The following ACKR3 variants were observed in gnomAD, a reference collection of about 807,000 sequenced individuals.
The protein encoded by ACKR3 is C-X-C chemokine receptor type 7.
A neutral mutation model predicts 22.4 loss-of-function variants in ACKR3; 6 were observed. That is an observed-to-expected ratio of 0.27 (90% CI 0.15 to 0.53). The LOEUF is 0.53. Among genes scored for constraint, ACKR3 ranks in the 20% least tolerant of loss-of-function variants. The pLI is 0.96. For synonymous variants in ACKR3, 209 were observed against 205.2 expected (o/e 1.02, Z -0.16); for missense variants, 396 against 475.2 (o/e 0.83, Z 1.55).
intron 1 of ACKR3, among the ~76,000 whole-genome samples, chr2:236,579,861 G>T (rs949473654): frequency 1.1e-4 from 17 of 152,214 alleles, no homozygotes. Flanking sequence ...GGCCGCCTGA[G>T]ACCCAGGTTT....
chr2:236,539,983 A>C, the ACKR3 span, among the ~76,000 whole-genome samples: 325 of 152,350 alleles, frequency 2.1e-3, 1 homozygote, highest in Non-Finnish European at 3.9e-3. Flanking sequence ...TGATTCAACT[A>C]TCTCCACCTT....
At chr2:236,556,050 G>A in the ACKR3 span, among the ~76,000 whole-genome samples, 1 of 152,146 alleles carries the variant, frequency 6.6e-6, no homozygotes, top group Non-Finnish European at 1.5e-5. Flanking sequence ...AGCCACAGAG[G>A]CTCAGAGTGG....
chr2:236,553,082 C>A, the ACKR3 span, among the ~76,000 whole-genome samples: 19 of 152,340 alleles, frequency 1.2e-4, no homozygotes, highest in African/African-American at 4.6e-4. Flanking sequence ...TTTGTCCGTT[C>A]CAGGCCGCAC....
chr2:236,558,874 C>T, the ACKR3 span, among the ~76,000 whole-genome samples: 2 of 152,136 alleles, frequency 1.3e-5, no homozygotes, highest in African/African-American at 4.8e-5. Flanking sequence ...AAATTTAAAT[C>T]TTAAAACCAT....
upstream of ACKR3, chr2:236,569,795 T>C (rs1173382617): frequency 2.6e-5 from 4 of 152,172 alleles, no homozygotes; most frequent in African/African-American, 7.2e-5. Flanking sequence ...CTGCAGTGTA[T>C]ATAATGCAAG....
At chr2:236,559,215 G>T in the ACKR3 span, among the ~76,000 whole-genome samples, 1 of 152,290 alleles carries the variant, frequency 6.6e-6, no homozygotes, top group Admixed American at 6.5e-5. Context: ...AGAAAGTAAT[G>T]CTTCACTCAG....
In ACKR3 at chr2:236,581,316, C is replaced by T. The variant is rs766725702; in HGVS notation, c.851C>T (p.Pro284Leu). 1.2e-6 allele frequency: 2 copies of T among 1,613,974 alleles called. No individual in the cohort carries two copies. The highest frequency in any genetic ancestry group is 1.7e-6 in the Non-Finnish European group (2 of 1,179,906). ...LDIFSILHYI[P>L]FTCRLEHALF... ...ATCTTCTCCATCCTGCACTACATCC[C>T]TTTCACCTGCCGGCTGGAGCACGCC... Residue 284 changes from proline to leucine, a missense_variant, in exon 2 of 2, where the codon CCT becomes CTT. Pro to Leu is a moderately conservative substitution (Grantham distance 98). Transcript: ENST00000272928. This position sits in a 1 kb window ranked among gnomAD's most constrained non-coding sequence, Gnocchi z 4.4.
At chr2:236,546,096 C>T in the ACKR3 span, among the ~76,000 whole-genome samples, 2 of 152,196 alleles carry the variant, frequency 1.3e-5, no homozygotes, top group African/African-American at 2.4e-5. The surrounding 1 kb of genome is among the most constrained non-coding windows in gnomAD (Gnocchi z 4.9). Context: ...GAAGCACCAA[C>T]GATGCGATGT....
chr2:236,573,300 T>A lies in ACKR3; in HGVS notation c.-27+3376T>A, dbSNP rs555683683. 3.3e-5 allele frequency among the ~76,000 whole-genome samples: 5 copies of A among 152,328 alleles called. No individual in the cohort carries two copies. In the East Asian group the frequency reaches 9.6e-4, roughly 29 times the overall value. On this transcript the variant is annotated intron_variant, in intron 1 of 1. Coordinates refer to ENST00000272928, the MANE Select transcript of ACKR3 (RefSeq NM_020311.3). ...AGGCTCAGCGTAAGCGGGGCTGGCC[T>A]GGTGGAAGAGGTGTTATCTGCTCAA...
chr2:236,549,136 T>A, the ACKR3 span, among the ~76,000 whole-genome samples: 1 of 152,216 alleles, frequency 6.6e-6, no homozygotes, highest in Non-Finnish European at 1.5e-5. The surrounding 1 kb of genome is among the most constrained non-coding windows in gnomAD (Gnocchi z 5.3). Context: ...TCCAACAAAT[T>A]TGAGCAGAGA....
chr2:236,545,055 C>G, the ACKR3 span, among the ~76,000 whole-genome samples: 2 of 152,270 alleles, frequency 1.3e-5, no homozygotes, highest in Non-Finnish European at 2.9e-5. This position sits in a 1 kb window ranked among gnomAD's most constrained non-coding sequence, Gnocchi z 5.3. Context: ...CCCAAGGAGC[C>G]TGATATCTTG....
upstream of ACKR3, among the ~76,000 whole-genome samples, chr2:236,566,632 A>G (rs1039488349): frequency 2.0e-5 from 3 of 151,600 alleles, no homozygotes; most frequent in African/African-American, 7.3e-5. Context: ...ACATTTTCAA[A>G]GTTTATTCTT....
the ACKR3 span, among the ~76,000 whole-genome samples, chr2:236,558,491 T>C: frequency 2.6e-5 from 4 of 152,178 alleles, no homozygotes; most frequent in Non-Finnish European, 5.9e-5. Flanking sequence ...CGAATCCTGC[T>C]GACCTCCTAC....
the ACKR3 span, among the ~76,000 whole-genome samples, chr2:236,537,608 G>A: frequency 2.0e-5 from 3 of 152,222 alleles, no homozygotes; most frequent in African/African-American, 7.2e-5. Context: ...TGTACACATT[G>A]AGACCTGGAC....
the ACKR3 span, among the ~76,000 whole-genome samples, chr2:236,560,316 CTTTTTTT>C: frequency 2.5e-5 from 3 of 118,934 alleles, no homozygotes; most frequent in Admixed American, 8.5e-5. Context: ...CACTTGTTGC[CTTTTTTT>C]TTTTTTTTTT....
chr2:236,546,071 C>G, the ACKR3 span, among the ~76,000 whole-genome samples: 2 of 152,298 alleles, frequency 1.3e-5, no homozygotes, highest in Admixed American at 1.3e-4. This position sits in a 1 kb window ranked among gnomAD's most constrained non-coding sequence, Gnocchi z 4.9. Flanking sequence ...TACAGGACCA[C>G]GTTTTGTGAG....
intron 1 of ACKR3, among the ~76,000 whole-genome samples, chr2:236,579,503 C>T (rs1318094412): frequency 2.0e-5 from 3 of 152,182 alleles, no homozygotes; most frequent in African/African-American, 7.2e-5. Context: ...TGCCAGATAA[C>T]AATGGTACCC....
the ACKR3 span, among the ~76,000 whole-genome samples, chr2:236,560,217 A>C: frequency 2.0e-5 from 3 of 151,652 alleles, no homozygotes; most frequent in Admixed American, 6.6e-5. Context: ...TTTTTTGAGG[A>C]GCCCCATATA....
the ACKR3 span, among the ~76,000 whole-genome samples, chr2:236,553,671 C>T: frequency 6.6e-6 from 1 of 152,272 alleles, no homozygotes; most frequent in South Asian, 2.1e-4. Flanking sequence ...GCCCCTGAAA[C>T]CCCTGAAGCT....
Sources: allele counts gnomAD v4.1 joint callset (sites outside exome capture counted in the v4.1 genomes callset), GRCh38; gene constraint gnomAD v4.1.1; non-coding constraint Gnocchi (gnomAD v3.1); transcripts MANE v1.5; gene names NCBI Gene and HGNC (gene_info 2026-07-23, HGNC 2026-07-21).